Variants in ARMH1 observed in about 807,000 individuals in gnomAD.
ARMH1 encodes armadillo-like helical domain containing protein 1.
ARMH1 carries 34 observed loss-of-function variants against 50.2 expected under a neutral mutation model. The ratio of observed to expected loss-of-function variants is 0.68; its 90% CI spans 0.51 to 0.90. The LOEUF is 0.90. ARMH1 is among the 40% of genes least tolerant of loss of function. The pLI, the probability that ARMH1 is intolerant of heterozygous loss-of-function variation, is 0.00. For synonymous variants in ARMH1, 221 were observed against 224.2 expected (o/e 0.99, Z 0.13); for missense variants, 538 against 553.9 (o/e 0.97, Z 0.29).
intron 1 of ARMH1, among the ~76,000 whole-genome samples, chr1:44,676,723 A>G (rs937098302): frequency 2.6e-5 from 4 of 152,196 alleles, no homozygotes; most frequent in Admixed American, 2.6e-4. Context: ...GTCAAATTAC[A>G]GTGGTTTGAG....
At chr1:44,699,611 G>A (rs1314027285) in intron 4 of ARMH1, among the ~76,000 whole-genome samples, 1 of 151,666 alleles carries the variant, frequency 6.6e-6, no homozygotes, top group Non-Finnish European at 1.5e-5. Flanking sequence ...CACCATGCCT[G>A]GCTAATTTTT....
chr1:44,702,151 C>G (rs1193367787), intron 5 of ARMH1, among the ~76,000 whole-genome samples: 1 of 152,046 alleles, frequency 6.6e-6, no homozygotes, highest in Non-Finnish European at 1.5e-5. Context: ...TATCTTATTT[C>G]CACAGTTCCC....
In ARMH1 at chr1:44,724,528, C is replaced by A; in HGVS notation, c.921-11C>A. 3.3e-6 allele frequency: 5 copies of A among 1,505,956 alleles called. No individual in the cohort carries two copies. Among genetic ancestry groups the A allele is most frequent in the Non-Finnish European group, 4.4e-6 (5 of 1,130,950 alleles). 93.3% of individuals were successfully genotyped at this position (1,505,956 alleles called of 1,614,324 possible). A position where few individuals can be genotyped will look rare whatever the true frequency, so the allele number is the denominator to read the frequency against. ...CCCAGGGCGTCGCCCCAGCCCGAAC[C>A]CCCGGCCCAGGGTCCTGGCGCGCAA... On this transcript the variant is annotated splice_polypyrimidine_tract_variant and intron_variant, in intron 8 of 11. Coordinates refer to ENST00000535358, the MANE Select transcript of ARMH1 (RefSeq NM_001145636.2). The surrounding 1 kb of genome is among the most constrained non-coding windows in gnomAD (Gnocchi z 6.4).
rs144140178 is a variant in ARMH1 at position 44,718,639 on chromosome 1, G to A, written c.725-5483G>A. ...TAGGACCACATCTGGGCAACCAGAG[G>A]CTGCAGAGGGTGGGCAGATGGGATT... is the stretch of plus-strand genomic sequence containing the variant. On this transcript the variant is annotated intron_variant, in intron 6 of 11. Transcript: ENST00000535358. Among the ~76,000 whole-genome samples, 889 of 152,324 alleles carry A rather than the reference G, an allele frequency of 5.8e-3. 7 individuals are homozygous for A. The highest frequency in any genetic ancestry group is 0.02 in the African/African-American group (830 of 41,572).
chr1:44,709,878 G>C lies in ARMH1; in HGVS notation c.724+5705G>C, dbSNP rs193105166. On this transcript the variant is annotated intron_variant, in intron 6 of 11. Coordinates refer to ENST00000535358, the MANE Select transcript of ARMH1 (RefSeq NM_001145636.2). ...AAAATATGCTAACAAATACGTATAA[G>C]AATCAAGTCCATGGTAAAATGGAAC... Among the ~76,000 whole-genome samples, 11 of 152,112 alleles carry C rather than the reference G, an allele frequency of 7.2e-5. No homozygotes were observed. The East Asian group carries it at 1.9e-3, about 27-fold the overall frequency.
chr1:44,724,563 C>T lies in ARMH1; in HGVS notation c.945C>T (p.Ser315=), dbSNP rs1158251958. 2.0e-6 allele frequency: 3 copies of T among 1,514,516 alleles called. No homozygotes were observed. The highest frequency in any genetic ancestry group is 2.6e-6 in the Non-Finnish European group (3 of 1,134,008). The allele number at this position is 1,514,516 out of a possible 1,614,324, so 93.8% of individuals were successfully genotyped here. A position where few individuals can be genotyped will look rare whatever the true frequency, so the allele number is the denominator to read the frequency against. ...AIGVLARNDM[S]IAEELLYLRV... ...GGGTCCTGGCGCGCAACGACATGAGCATCGCCGAGGAGCTGCTGTACCTGC... is the reference window on the plus strand; with the variant it reads ...GGGTCCTGGCGCGCAACGACATGAGTATCGCCGAGGAGCTGCTGTACCTGC... Residue 315 remains serine, a synonymous_variant, in exon 9 of 12, where the codon AGC becomes AGT. Transcript: ENST00000535358. The surrounding 1 kb of genome is among the most constrained non-coding windows in gnomAD (Gnocchi z 6.4).
intron 6 of ARMH1, among the ~76,000 whole-genome samples, chr1:44,718,490 C>A (rs1390001698): frequency 6.6e-6 from 1 of 152,218 alleles, no homozygotes; most frequent in Non-Finnish European, 1.5e-5. Flanking sequence ...CCAGAGATGT[C>A]CGGTCTGCCA....
chr1:44,724,188 CGCT>C lies in ARMH1; in HGVS notation c.796_798del (p.Leu266del), dbSNP rs1229626637. On this transcript the variant is annotated inframe_deletion, in exon 7 of 12. Transcript: ENST00000535358. This position sits in a 1 kb window ranked among gnomAD's most constrained non-coding sequence, Gnocchi z 6.4. The stretch of plus-strand genomic sequence containing the variant: ...CAGGCGCTGCTCAAGGGCCTCGTGG[CGCT>C]GCTGATACCGTCGGTCAAGGAGATC... 4 of 1,551,614 alleles carry C rather than the reference CGCT, an allele frequency of 2.6e-6. No homozygotes were observed. Among genetic ancestry groups the C allele is most frequent in the Non-Finnish European group, 3.5e-6 (4 of 1,146,994 alleles).
chr1:44,685,785 G>A (rs1051964697), intron 1 of ARMH1, among the ~76,000 whole-genome samples: 5 of 151,806 alleles, frequency 3.3e-5, no homozygotes, highest in South Asian at 2.1e-4. Context: ...GCGCCACCAC[G>A]CCCAGCTAAT....
At chr1:44,679,358 G>A (rs1259242307) in intron 1 of ARMH1, among the ~76,000 whole-genome samples, 1 of 152,184 alleles carries the variant, frequency 6.6e-6, no homozygotes, top group Non-Finnish European at 1.5e-5. Context: ...ATGATCAGTT[G>A]ACTATAAATT....
At chr1:44,715,392 C>T (rs1302240635) in intron 6 of ARMH1, among the ~76,000 whole-genome samples, 1 of 152,166 alleles carries the variant, frequency 6.6e-6, no homozygotes, top group Non-Finnish European at 1.5e-5. Flanking sequence ...GTCATTTGTT[C>T]TTGGTTTCTT....
rs1424277468 is a variant in ARMH1, at chr1:44,720,388, T to C, written c.725-3734T>C. Among the ~76,000 whole-genome samples, 6 of 152,160 alleles carry C rather than the reference T, an allele frequency of 3.9e-5. No individual in the cohort carries two copies. The East Asian group carries it at 1.2e-3, about 29-fold the overall frequency. On this transcript the variant is annotated intron_variant, in intron 6 of 11. Transcript: ENST00000535358. ...CCAGGCTGGTGGTTTCTAAGCGTGG[T>C]CCTAGGCTGCCATGACCCAAGCCTC... is the stretch of plus-strand genomic sequence containing the variant.
intron 6 of ARMH1, among the ~76,000 whole-genome samples, chr1:44,707,343 A>G (rs1378386300): frequency 6.6e-6 from 1 of 151,926 alleles, no homozygotes; most frequent in Admixed American, 6.6e-5. Flanking sequence ...CCTCTGAGCA[A>G]CTCCAGGGAG....
At chr1:44,719,247 G>A (rs546094909) in intron 6 of ARMH1, among the ~76,000 whole-genome samples, 57 of 152,042 alleles carry the variant, frequency 3.7e-4, no homozygotes, top group African/African-American at 1.3e-3. Flanking sequence ...AGCTTTTATA[G>A]GGCTTCAGGA....
chr1:44,707,273 G>GAGTA (rs1436224508), intron 6 of ARMH1, among the ~76,000 whole-genome samples: 1 of 151,834 alleles, frequency 6.6e-6, no homozygotes, highest in African/African-American at 2.4e-5. Context: ...GTGAGTGAGT[G>GAGTA]AGTACTGCAC....
rs117108342 is a variant in ARMH1 at position 44,694,227 on chromosome 1, G to A, written c.207-2875G>A. Reference sequence around the variant, plus strand: ...TTCCCTAACTTTTTGCAGCCTTGTCGTACAACAGATAAAATAGACTGCGTG... The same window carrying A: ...TTCCCTAACTTTTTGCAGCCTTGTCATACAACAGATAAAATAGACTGCGTG... On this transcript the variant is annotated intron_variant, in intron 2 of 11. Transcript: ENST00000535358. Among the ~76,000 whole-genome samples, 25 of 152,192 alleles carry A rather than the reference G, an allele frequency of 1.6e-4. No homozygotes were observed. The East Asian group carries it at 3.7e-3, about 22-fold the overall frequency.
chr1:44,674,903 G>A (rs891906162), intron 1 of ARMH1, 30 bp downstream of exon 1: 2 of 152,970 alleles, frequency 1.3e-5, no homozygotes, highest in African/African-American at 4.8e-5. Context: ...GGCCTAGGGG[G>A]CGCGTGCCGA....
chr1:44,685,238 A>G (rs1286078971), intron 1 of ARMH1, among the ~76,000 whole-genome samples: 1 of 152,174 alleles, frequency 6.6e-6, no homozygotes, highest in East Asian at 1.9e-4. Context: ...AAAAATAGAC[A>G]AAGGCACAGG....
At chr1:44,717,489 G>A (rs1409804882) in intron 6 of ARMH1, among the ~76,000 whole-genome samples, 1 of 152,182 alleles carries the variant, frequency 6.6e-6, no homozygotes, top group Non-Finnish European at 1.5e-5. Context: ...TCCTTCTCCT[G>A]ATTCTCCATC....
Sources: allele counts gnomAD v4.1 joint callset (sites outside exome capture counted in the v4.1 genomes callset), GRCh38; gene constraint gnomAD v4.1.1; non-coding constraint Gnocchi (gnomAD v3.1); transcripts MANE v1.5; gene names NCBI Gene and HGNC (gene_info 2026-07-23, HGNC 2026-07-21).